STPG2: variants seen among roughly 807,000 people sequenced by gnomAD.
The protein encoded by STPG2 is sperm tail PG-rich repeat containing 2, also known as sperm-tail PG-rich repeat-containing protein 2.
STPG2 carries 56 observed loss-of-function variants against 54.2 expected under a neutral mutation model. The ratio of observed to expected loss-of-function variants is 1.03; its 90% CI spans 0.83 to 1.29. STPG2 has a LOEUF of 1.29. Among genes scored for constraint, STPG2 ranks in the 50% most tolerant of loss-of-function variants. The probability of loss-of-function intolerance (pLI) is 0.00; values close to 1 mark genes in which losing one functional copy is unlikely to be tolerated. For synonymous variants in STPG2, 200 were observed against 181.8 expected, an observed-to-expected ratio of 1.10 and a Z score of -0.81; for missense variants, 596 against 544.9, an observed-to-expected ratio of 1.09 and a Z score of -0.93.
chr4:97,937,270 A>G (rs903377868), intron 8 of STPG2, among the ~76,000 whole-genome samples: 1 of 152,006 alleles, frequency 6.6e-6, no homozygotes, highest in Non-Finnish European at 1.5e-5. Context: ...TCTAGCTAGC[A>G]GCTCCTGTTA....
chr4:98,004,395 G>T (rs770588083), intron 5 of STPG2, among the ~76,000 whole-genome samples: 1 of 152,082 alleles, frequency 6.6e-6, no homozygotes, highest in Non-Finnish European at 1.5e-5. Context: ...ATCCATTGAT[G>T]AACATTAGGT....
chr4:97,882,019 C>T (rs1313084072), intron 8 of STPG2, among the ~76,000 whole-genome samples: 4 of 151,988 alleles, frequency 2.6e-5, no homozygotes, highest in Non-Finnish European at 4.4e-5. Context: ...GCAGGTGCCC[C>T]CCTCCCCACA....
intron 5 of STPG2, among the ~76,000 whole-genome samples, chr4:98,039,589 G>A (rs986013199): frequency 3.3e-5 from 5 of 151,218 alleles, no homozygotes; most frequent in African/African-American, 1.2e-4. Context: ...CATTATTTGG[G>A]TGACAGTTAC....
intron 7 of STPG2, among the ~76,000 whole-genome samples, chr4:97,951,692 C>A (rs899269856): frequency 8.5e-5 from 13 of 152,054 alleles, no homozygotes; most frequent in African/African-American, 2.4e-4. Flanking sequence ...CTATATCCTA[C>A]GGAGTTGGAA....
At chr4:97,685,058 A>G (rs2148982872) in intron 10 of STPG2, among the ~76,000 whole-genome samples, 1 of 152,164 alleles carries the variant, frequency 6.6e-6, no homozygotes, top group Admixed American at 6.5e-5. Context: ...CCAAAATCCA[A>G]GACACTGATA....
intron 9 of STPG2, among the ~76,000 whole-genome samples, chr4:97,745,500 TTAAAC>T (rs1293759346): frequency 2.6e-5 from 4 of 151,134 alleles, no homozygotes; most frequent in Non-Finnish European, 4.5e-5. Flanking sequence ...CACAAGGACT[TTAAAC>T]TATGCTATAA....
intron 10 of STPG2, among the ~76,000 whole-genome samples, chr4:97,687,196 C>T (rs924387513): frequency 9.9e-5 from 15 of 151,950 alleles, no homozygotes; most frequent in Non-Finnish European, 1.5e-4. Context: ...GTGATCCACC[C>T]GCCTCGGCCT....
intron 9 of STPG2, among the ~76,000 whole-genome samples, chr4:97,721,124 A>C (rs1005209117): frequency 1.3e-4 from 20 of 152,038 alleles, no homozygotes; most frequent in Admixed American, 1.0e-3. Flanking sequence ...GAACAGCCTC[A>C]CTCATTTAGG....
intron 9 of STPG2, among the ~76,000 whole-genome samples, chr4:97,724,932 A>G (rs1724568627): frequency 6.6e-6 from 1 of 152,132 alleles, no homozygotes; most frequent in South Asian, 2.1e-4. Flanking sequence ...ACTTCTTGAA[A>G]GAGTACAGTA....
At chr4:97,729,776 G>T (rs1010699617) in intron 9 of STPG2, among the ~76,000 whole-genome samples, 2 of 152,126 alleles carry the variant, frequency 1.3e-5, no homozygotes, top group African/African-American at 2.4e-5. Flanking sequence ...AATACAATTT[G>T]TCACAAGTGT....
At chr4:97,617,123 AT>A (rs1733893881) in intron 10 of STPG2, among the ~76,000 whole-genome samples, 1 of 104,792 alleles carries the variant, frequency 9.5e-6, no homozygotes, top group East Asian at 2.3e-4. Context: ...TAACTATATA[AT>A]TTAAAGTGTG....
intron 5 of STPG2, among the ~76,000 whole-genome samples, chr4:98,064,449 T>A (rs1353482857): frequency 6.6e-6 from 1 of 152,228 alleles, no homozygotes; most frequent in Non-Finnish European, 1.5e-5. Context: ...TACATCAACC[T>A]GAAACCTACA....
At chr4:98,117,087 A>C (rs1739543179) in intron 3 of STPG2, among the ~76,000 whole-genome samples, 1 of 151,998 alleles carries the variant, frequency 6.6e-6, no homozygotes, top group African/African-American at 2.4e-5. Context: ...ATTTCATTTC[A>C]GCCTGAAGAC....
intron 10 of STPG2, among the ~76,000 whole-genome samples, chr4:97,617,714 A>C (rs1733910322): frequency 6.6e-6 from 1 of 152,140 alleles, no homozygotes; most frequent in Admixed American, 6.6e-5. Context: ...ACTTTCTTTA[A>C]GTGAAAAAGA....
At chr4:97,952,929 C>G (rs1733528463) in intron 7 of STPG2, among the ~76,000 whole-genome samples, 2 of 152,100 alleles carry the variant, frequency 1.3e-5, no homozygotes. Context: ...CAGCCTCCAG[C>G]CAGGAGGTGG....
chr4:98,027,440 AG>A (rs1736460423), intron 5 of STPG2, among the ~76,000 whole-genome samples: 1 of 152,206 alleles, frequency 6.6e-6, no homozygotes, highest in South Asian at 2.1e-4. Flanking sequence ...AAATCTCATC[AG>A]CTCAAAGAAC....
At chr4:97,921,840 C>T (rs930215402) in intron 8 of STPG2, among the ~76,000 whole-genome samples, 1 of 152,012 alleles carries the variant, frequency 6.6e-6, no homozygotes, top group African/African-American at 2.4e-5. Context: ...ATTATTCAAC[C>T]TTTAAAAAGA....
intron 10 of STPG2, among the ~76,000 whole-genome samples, chr4:97,644,072 A>G (rs1019534677): frequency 6.6e-6 from 1 of 151,964 alleles, no homozygotes; most frequent in African/African-American, 2.4e-5. Flanking sequence ...GTGACTTAAG[A>G]GAATGAAATT....
At chr4:97,910,018 T>G (rs1731618026) in intron 8 of STPG2, among the ~76,000 whole-genome samples, 1 of 152,192 alleles carries the variant, frequency 6.6e-6, no homozygotes. Flanking sequence ...ATGTAAATAT[T>G]CTGAAGTAAA....
Sources: allele counts gnomAD v4.1 joint callset (sites outside exome capture counted in the v4.1 genomes callset), GRCh38; gene constraint gnomAD v4.1.1; transcripts MANE v1.5; gene names NCBI Gene and HGNC (gene_info 2026-07-23, HGNC 2026-07-21).